PRKAA1: variants seen among roughly 807,000 people sequenced by gnomAD.
The protein encoded by PRKAA1 is protein kinase AMP-activated catalytic subunit alpha 1, also known as 5'-AMP-activated protein kinase catalytic subunit alpha-1.
A neutral mutation model predicts 56.9 loss-of-function variants in PRKAA1; 23 were observed. The observed-to-expected ratio is 0.40, with a 90% confidence interval of 0.29 to 0.57. The LOEUF is 0.57. PRKAA1 is among the 20% of genes least tolerant of loss of function. The pLI, the probability that PRKAA1 is intolerant of heterozygous loss-of-function variation, is 0.39. For synonymous variants in PRKAA1, 226 were observed against 227.0 expected, an observed-to-expected ratio of 1.00 and a Z score of 0.04; for missense variants, 413 against 679.7, an observed-to-expected ratio of 0.61 and a Z score of 4.36.
At chr5:40,785,488 C>G (rs370056569) in intron 1 of PRKAA1, among the ~76,000 whole-genome samples, 25 of 151,860 alleles carry the variant, frequency 1.6e-4, no homozygotes, top group African/African-American at 5.3e-4. Flanking sequence ...GATCCGCCCC[C>G]CCTCGGCCTC....
At chr5:40,768,704 C>T in intron 5 of PRKAA1, 2 of 1,286,250 alleles carry the variant, frequency 1.6e-6, no homozygotes, top group South Asian at 2.3e-5. Context: ...AACATTCACA[C>T]AAATAAGCAT....
chr5:40,781,453 C>G (rs1744261773), intron 1 of PRKAA1, among the ~76,000 whole-genome samples: 1 of 152,002 alleles, frequency 6.6e-6, no homozygotes, highest in Non-Finnish European at 1.5e-5. Flanking sequence ...AGGAGAAAAA[C>G]TAAGAGAATC....
At chr5:40,781,936 A>G (rs1744282104) in intron 1 of PRKAA1, among the ~76,000 whole-genome samples, 1 of 152,208 alleles carries the variant, frequency 6.6e-6, no homozygotes, top group Non-Finnish European at 1.5e-5. Flanking sequence ...GATTAAGAGC[A>G]GCCAACTTGA....
intron 8 of PRKAA1, among the ~76,000 whole-genome samples, chr5:40,763,931 CTA>C (rs951950665): frequency 3.3e-5 from 5 of 151,592 alleles, no homozygotes; most frequent in African/African-American, 1.2e-4. Context: ...AAAGGTGATA[CTA>C]TATATATATA....
At chr5:40,788,464 G>A (rs1220404823) in intron 1 of PRKAA1, among the ~76,000 whole-genome samples, 2 of 152,142 alleles carry the variant, frequency 1.3e-5, no homozygotes, top group Non-Finnish European at 2.9e-5. Context: ...ATCATTTCTT[G>A]TATATGATCC....
chr5:40,783,629 C>T (rs560399454), intron 1 of PRKAA1, among the ~76,000 whole-genome samples: 2 of 152,000 alleles, frequency 1.3e-5, no homozygotes, highest in Non-Finnish European at 2.9e-5. Flanking sequence ...CGTGTTGGCA[C>T]GCACCTGTAA....
At chr5:40,777,810 T>C (rs980377276) in intron 1 of PRKAA1, among the ~76,000 whole-genome samples, 2 of 152,046 alleles carry the variant, frequency 1.3e-5, no homozygotes, top group African/African-American at 4.8e-5. Flanking sequence ...CGGTGGCTCA[T>C]GCCTGTAATC....
At position 40,798,104 on chromosome 5, in the gene PRKAA1, A is replaced by C. The variant is rs1745024055; in HGVS notation, c.86T>G (p.Leu29Arg). 1.2e-6 allele frequency: 2 copies of C among 1,607,042 alleles called. No individual in the cohort carries two copies. The highest frequency in any genetic ancestry group is 1.7e-6 in the Non-Finnish European group (2 of 1,176,268). Residue 29 changes from leucine to arginine, a missense_variant, in exon 1 of 9, where the codon CTG becomes CGG. Physicochemically the swap from Leu to Arg is moderately radical, Grantham distance 102. Coordinates refer to ENST00000397128, the MANE Select transcript of PRKAA1 (RefSeq NM_006251.6). Reference sequence around the variant, plus strand: ...GGTGCCGACCCCCAGCGTGTCACCCAGAATGTAGTGGCCGATCTTCACCCG... The same window carrying C: ...GGTGCCGACCCCCAGCGTGTCACCCCGAATGTAGTGGCCGATCTTCACCCG... ...DGRVKIGHYI[L>R]GDTLGVGTFG...
intron 1 of PRKAA1, among the ~76,000 whole-genome samples, chr5:40,779,761 T>A (rs2112052141): frequency 6.6e-6 from 1 of 152,294 alleles, no homozygotes; most frequent in African/African-American, 2.4e-5. Flanking sequence ...AGAAATTTTA[T>A]CTTTCACAAA....
chr5:40,782,982 A>G (rs1341564586), intron 1 of PRKAA1, among the ~76,000 whole-genome samples: 1 of 152,192 alleles, frequency 6.6e-6, no homozygotes, highest in Non-Finnish European at 1.5e-5. Context: ...ATGGTGGTAT[A>G]ACTTCTTCCC....
intron 3 of PRKAA1, among the ~76,000 whole-genome samples, chr5:40,773,360 G>T (rs1218914772): frequency 6.8e-6 from 1 of 146,670 alleles, no homozygotes; most frequent in Non-Finnish European, 1.5e-5. Flanking sequence ...AAATAGACAG[G>T]CTACAAAAAT....
rs1743169634 is a variant in PRKAA1 at position 40,761,177 on chromosome 5, T to TGG, written c.*1600_*1601insCC. ...ATAATGTTATATCCAACTAAAGAGT[T>TGG]ATAACCAAGTGTCATATGTAAACTT... On this transcript the variant is annotated 3_prime_UTR_variant, in exon 9 of 9. Coordinates refer to ENST00000397128, the MANE Select transcript of PRKAA1 (RefSeq NM_006251.6). The TGG allele has an allele frequency of 1.3e-5, 2 of 152,168 alleles. No individual in the cohort carries two copies. Among genetic ancestry groups the TGG allele is most frequent in the African/African-American group, 4.8e-5 (2 of 41,452 alleles). The allele number at this position is 152,168 out of a possible 1,614,324, so 9.4% of individuals were successfully genotyped here. A position where few individuals can be genotyped will look rare whatever the true frequency, so the allele number is the denominator to read the frequency against.
Position 40,768,895 on chromosome 5 carries a change from GTTA to G in PRKAA1, c.596+518_596+520del, listed in dbSNP as rs1743595699. The G allele has an allele frequency of 1.3e-6, 2 of 1,564,266 alleles. 1 individual carries two copies. Among genetic ancestry groups the G allele is most frequent in the Non-Finnish European group, 1.7e-6 (2 of 1,154,212 alleles). On this transcript the variant is annotated intron_variant, in intron 5 of 8. Transcript: ENST00000397128. ...TATCTTCATGTTCTCAATGCTGGTAGTTAGTAAATTGAGAGGTTAAAATTCTTA... is the reference window on the plus strand; with the variant it reads ...TATCTTCATGTTCTCAATGCTGGTAGGTAAATTGAGAGGTTAAAATTCTTA...
chr5:40,763,301 G>T (rs1743281621), intron 8 of PRKAA1, among the ~76,000 whole-genome samples: 1 of 152,024 alleles, frequency 6.6e-6, no homozygotes, highest in African/African-American at 2.4e-5. Flanking sequence ...ACAATCTAGG[G>T]ATTAATAAAT....
At chr5:40,770,161 T>G (rs191740506) in intron 4 of PRKAA1, among the ~76,000 whole-genome samples, 2 of 152,092 alleles carry the variant, frequency 1.3e-5, no homozygotes, top group East Asian at 3.9e-4. Context: ...TGAGGAAAAT[T>G]TTTATAAGAA....
intron 1 of PRKAA1, among the ~76,000 whole-genome samples, chr5:40,797,180 C>T (rs919692439): frequency 6.6e-6 from 1 of 152,142 alleles, no homozygotes; most frequent in African/African-American, 2.4e-5. Context: ...TTTTAGTGTA[C>T]CCGTCACCCG....
chr5:40,771,991 A>G, intron 3 of PRKAA1, 128 bp from the exon 4 acceptor site: 4 of 1,167,962 alleles, frequency 3.4e-6, no homozygotes, highest in Admixed American at 2.7e-5. Flanking sequence ...CTTATGAGAT[A>G]CTTTTGACAT....
In PRKAA1 at chr5:40,764,533, C is replaced by T; in HGVS notation, c.1416G>A (p.Leu472=). ...LYQVDSRTYL[L]DFRSIDDEIT... is the part of the protein sequence containing the mutation. ...ACATACCATCAATACTACGGAAATC[C>T]AGTAGATAAGTTCTACTATCCACTT... Residue 472 remains leucine (L), a synonymous_variant, in exon 8 of 9, where the codon CTG becomes CTA. Transcript: ENST00000397128. The T allele has an allele frequency of 6.2e-7, 1 of 1,611,694 alleles. No homozygotes were observed. Among genetic ancestry groups the T allele is most frequent in the Non-Finnish European group, 8.5e-7 (1 of 1,178,932 alleles).
chr5:40,797,026 G>A (rs1305263548), intron 1 of PRKAA1, among the ~76,000 whole-genome samples: 4 of 151,046 alleles, frequency 2.6e-5, no homozygotes, highest in African/African-American at 9.7e-5. Context: ...ACGTTTTTTT[G>A]CCAGAATTGG....
Sources: gnomAD v4.1 joint callset for allele counts (sites outside exome capture counted in the v4.1 genomes callset) on GRCh38, gnomAD v4.1.1 for gene constraint, MANE v1.5 for transcripts, NCBI Gene and HGNC (gene_info 2026-07-23, HGNC 2026-07-21) for gene names.